The following ETV6 variants were observed in gnomAD, a reference collection of about 807,000 sequenced individuals.
ETV6 encodes the protein ETS variant transcription factor 6, also known as transcription factor ETV6.
In ETV6, 16 loss-of-function variants were observed where a neutral mutation model predicts 51.1. The observed-to-expected ratio is 0.31, with a 90% CI of 0.21 to 0.48. The LOEUF (loss-of-function observed/expected upper bound fraction) is 0.48. Among genes scored for constraint, ETV6 ranks in the 20% least tolerant of loss-of-function variants. ETV6 has a pLI of 0.99. For synonymous variants in ETV6, 240 were observed against 224.1 expected (o/e 1.07, Z -0.64); for missense variants, 458 against 594.8 (o/e 0.77, Z 2.39).
At chr12:11,716,996 G>T (rs904186863) in intron 1 of ETV6, among the ~76,000 whole-genome samples, 1 of 152,224 alleles carries the variant, frequency 6.6e-6, no homozygotes, top group Non-Finnish European at 1.5e-5. Flanking sequence ...ATGGTAGGCA[G>T]CAAGCTCTCA....
At chr12:11,822,093 A>T (rs115724404) in intron 2 of ETV6, among the ~76,000 whole-genome samples, 1,660 of 152,272 alleles carry the variant, frequency 0.011, 26 homozygotes, top group African/African-American at 0.037. Context: ...GTCTCTTTAC[A>T]TTCCTTTCTT....
chr12:11,668,401 T>TG (rs966110168), intron 1 of ETV6, among the ~76,000 whole-genome samples: 1 of 127,286 alleles, frequency 7.9e-6, no homozygotes, highest in African/African-American at 3.4e-5. Context: ...CACTGTTTTG[T>TG]TTTTTTTTTT....
intron 4 of ETV6, among the ~76,000 whole-genome samples, chr12:11,854,977 T>C (rs1054726718): frequency 6.6e-6 from 1 of 151,950 alleles, no homozygotes; most frequent in South Asian, 2.1e-4. Flanking sequence ...AGAATAGGTG[T>C]TGGGGCACAG....
chr12:11,822,482 T>C (rs1253382030), intron 2 of ETV6, among the ~76,000 whole-genome samples: 3 of 152,232 alleles, frequency 2.0e-5, no homozygotes, highest in African/African-American at 7.2e-5. Context: ...TCAGTAAACA[T>C]ATACCCTTTA....
chr12:11,666,991 T>C (rs1328150579), intron 1 of ETV6, among the ~76,000 whole-genome samples: 1 of 152,204 alleles, frequency 6.6e-6, no homozygotes, highest in Non-Finnish European at 1.5e-5. Flanking sequence ...TTGAGAGTTG[T>C]TACGGGTGCT....
In ETV6 at chr12:11,732,371, T is replaced by C. The variant is rs76522829; in HGVS notation, c.34-20079T>C. 2.9e-3 allele frequency among the ~76,000 whole-genome samples: 445 copies of C among 152,280 alleles called. 10 individuals are homozygous for C. In the East Asian group the frequency reaches 0.067, roughly 23 times the overall value. On this transcript the variant is annotated intron_variant, in intron 1 of 7. Transcript: ENST00000396373. ...ATTTCTGTTGATCTCAGGTTTTTCA[T>C]CTGAAAAATGAGGATGCTGGTCTCA...
intron 2 of ETV6, among the ~76,000 whole-genome samples, chr12:11,757,153 C>G (rs1198499184): frequency 6.6e-6 from 1 of 152,140 alleles, no homozygotes; most frequent in African/African-American, 2.4e-5. Flanking sequence ...TCCCTTGGCT[C>G]TCTTTCCTTT....
intron 2 of ETV6, among the ~76,000 whole-genome samples, chr12:11,791,150 G>T (rs936960009): frequency 4.6e-5 from 7 of 152,118 alleles, no homozygotes; most frequent in Admixed American, 3.3e-4. Context: ...CGCTTTCTTG[G>T]GTTTGCTAAG....
chr12:11,813,171 A>T (rs925050538), intron 2 of ETV6, among the ~76,000 whole-genome samples: 1 of 152,250 alleles, frequency 6.6e-6, no homozygotes, highest in African/African-American at 2.4e-5. Context: ...GAGATACAGG[A>T]AATCAGAATT....
intron 1 of ETV6, among the ~76,000 whole-genome samples, chr12:11,716,330 C>CAAAAAAAAAAAAAAAAAAAAAAAAAA (rs3049068): frequency 1.7e-5 from 1 of 58,094 alleles, no homozygotes; most frequent in African/African-American, 6.3e-5. Flanking sequence ...GACTCCTTCT[C>CAAAAAAAAAAAAAAAAAAAAAAAAAA]AAAAAAAAAA....
chr12:11,802,698 G>A (rs1329603682), intron 2 of ETV6, among the ~76,000 whole-genome samples: 1 of 152,178 alleles, frequency 6.6e-6, no homozygotes, highest in African/African-American at 2.4e-5. Flanking sequence ...CACCTAGTTT[G>A]GACTTCTGGT....
At chr12:11,840,180 G>C (rs1363061202) in intron 3 of ETV6, among the ~76,000 whole-genome samples, 1 of 152,150 alleles carries the variant, frequency 6.6e-6, no homozygotes, top group Non-Finnish European at 1.5e-5. Context: ...GTCTCCTCGG[G>C]CTCATCTGAC....
intron 2 of ETV6, among the ~76,000 whole-genome samples, chr12:11,779,129 CTT>C (rs1469538519): frequency 6.6e-6 from 1 of 152,232 alleles, no homozygotes; most frequent in East Asian, 1.9e-4. Context: ...AGCCTGTTGA[CTT>C]CTCTCTTTGT....
intron 2 of ETV6, among the ~76,000 whole-genome samples, chr12:11,796,937 G>A (rs1011131054): frequency 2.0e-5 from 3 of 151,968 alleles, no homozygotes; most frequent in African/African-American, 7.3e-5. Context: ...CAAGCATGCC[G>A]CACCATGCTC....
intron 2 of ETV6, among the ~76,000 whole-genome samples, chr12:11,808,666 G>A (rs908600516): frequency 1.3e-5 from 2 of 152,228 alleles, no homozygotes; most frequent in African/African-American, 4.8e-5. Context: ...GGGTCCTGGA[G>A]CCAATCCCTT....
chr12:11,871,489 CG>C (rs1312699991), intron 5 of ETV6, among the ~76,000 whole-genome samples: 1 of 151,844 alleles, frequency 6.6e-6, no homozygotes, highest in Non-Finnish European at 1.5e-5. Flanking sequence ...CGCGCCTGGC[CG>C]GTACTGTCCC....
chr12:11,672,263 A>G (rs772296371), intron 1 of ETV6, among the ~76,000 whole-genome samples: 2 of 152,164 alleles, frequency 1.3e-5, no homozygotes, highest in Non-Finnish European at 2.9e-5. Flanking sequence ...CTGAGATCCT[A>G]TTAAACAGAA....
intron 2 of ETV6, among the ~76,000 whole-genome samples, chr12:11,783,778 G>A (rs1377193765): frequency 6.6e-6 from 1 of 152,230 alleles, no homozygotes; most frequent in Non-Finnish European, 1.5e-5. Flanking sequence ...ACAGTTGTTT[G>A]TATGGGGGCA....
chr12:11,698,338 C>T (rs1488719366), intron 1 of ETV6, among the ~76,000 whole-genome samples: 1 of 152,218 alleles, frequency 6.6e-6, no homozygotes, highest in Non-Finnish European at 1.5e-5. Flanking sequence ...ATCTCAGTTT[C>T]TTTGGGTCAA....
Sources: gnomAD v4.1 joint callset for allele counts (sites outside exome capture counted in the v4.1 genomes callset) on GRCh38, gnomAD v4.1.1 for gene constraint, MANE v1.5 for transcripts, NCBI Gene and HGNC (gene_info 2026-07-23, HGNC 2026-07-21) for gene names.